ABCB8: variants seen among roughly 807,000 people sequenced by gnomAD.
The protein encoded by ABCB8 is ATP binding cassette subfamily B member 8.
A neutral mutation model predicts 73.0 loss-of-function variants in ABCB8; 52 were observed. The ratio of observed to expected loss-of-function variants is 0.71; its 90% CI spans 0.57 to 0.90. ABCB8 has a LOEUF of 0.90. ABCB8 is among the 40% of genes least tolerant of loss of function. The pLI, the probability that ABCB8 is intolerant of heterozygous loss-of-function variation, is 0.00. For missense variants in ABCB8, 909 were observed against 974.6 expected (o/e 0.93, Z 0.90); for synonymous variants, 428 against 423.5 (o/e 1.01, Z -0.13).
chr7:151,045,520 A>ATCCC lies in ABCB8; in HGVS notation c.*180_*183dup, dbSNP rs1796591662. ...GCCGAGCAGCTGGCAGGGGAGGCCAATCCCTCCCTCCCCTCCCCAGTCCTG... is the reference window on the plus strand; with the variant it reads ...GCCGAGCAGCTGGCAGGGGAGGCCAATCCCTCCCTCCCTCCCCTCCCCAGTCCTG... On this transcript the variant is annotated 3_prime_UTR_variant, in exon 16 of 16. Coordinates refer to ENST00000358849, the MANE Select transcript of ABCB8 (RefSeq NM_007188.5). The ATCCC allele has an allele frequency of 1.2e-6, 1 of 802,736 alleles. No individual in the cohort carries two copies. The highest frequency in any genetic ancestry group is 4.2e-5 in the Admixed American group (1 of 23,784). The allele number at this position is 802,736 out of a possible 1,614,324, so 49.7% of individuals were successfully genotyped here. A position where few individuals can be genotyped will look rare whatever the true frequency, so the allele number is the denominator to read the frequency against.
At chr7:151,031,116 GT>G (rs1796149514) in intron 1 of ABCB8, 2 of 623,094 alleles carry the variant, frequency 3.2e-6, no homozygotes, top group Non-Finnish European at 5.6e-6. Context: ...TAGTAGTTAG[GT>G]CAGATTGTCC....
In ABCB8 at chr7:151,044,140, G is replaced by A. The variant is rs764138046; in HGVS notation, c.1935G>A (p.Thr645=). ...TGGACCGGGCCAGTGCAGGCCGCAC[G>A]GTGCTGGTAATTGCCCACCGGCTCA... ...EALDRASAGR[T]VLVIAHRLST... is the part of the protein sequence containing the mutation. Residue 645 remains threonine (T), a synonymous_variant, in exon 15 of 16, where the codon ACG becomes ACA. Transcript: ENST00000358849. The A allele has an allele frequency of 1.4e-5, 22 of 1,613,854 alleles. No homozygotes were observed. Among genetic ancestry groups the A allele is most frequent in the Admixed American group, 1.3e-4 (8 of 60,000 alleles).
At position 151,046,890 on chromosome 7, in the gene ABCB8, C is replaced by A. The variant is rs1478551565; in HGVS notation, c.*1541C>A. 1 of 152,242 alleles carries A rather than the reference C, an allele frequency of 6.6e-6. No individual in the cohort carries two copies. The highest frequency in any genetic ancestry group is 1.5e-5 in the Non-Finnish European group (1 of 68,050). 9.4% of individuals were successfully genotyped at this position (152,242 alleles called of 1,614,324 possible). A position where few individuals can be genotyped will look rare whatever the true frequency, so the allele number is the denominator to read the frequency against. On this transcript the variant is annotated 3_prime_UTR_variant, in exon 16 of 16. Coordinates refer to ENST00000358849, the MANE Select transcript of ABCB8 (RefSeq NM_007188.5). ...CTTTGGGGACAAGCCATCCAAAAACCCCAGGCCCACATCCACCCTGATTTG... is the reference window on the plus strand; with the variant it reads ...CTTTGGGGACAAGCCATCCAAAAACACCAGGCCCACATCCACCCTGATTTG...
chr7:151,036,585 G>A lies in ABCB8; in HGVS notation c.1153G>A (p.Ala385Thr). 1 of 1,613,982 alleles carries A rather than the reference G, an allele frequency of 6.2e-7. No homozygotes were observed. Among genetic ancestry groups the A allele is most frequent in the Non-Finnish European group, 8.5e-7 (1 of 1,179,908 alleles). Residue 385 changes from alanine to threonine, a missense_variant, in exon 9 of 16, where the codon GCC (alanine) becomes ACC (threonine). Transcript: ENST00000358849. ...GTLFIGGSLV[A>T]GQQLTGGDLM... ...CCTATTTATTGGGGGCTCCCTTGTG[G>A]CCGGACAGCAGCTGACAGGGGGAGA...
Position 151,045,388 on chromosome 7 carries a change from T to C in ABCB8, c.*39T>C. 2.0e-6 allele frequency: 3 copies of C among 1,471,750 alleles called. No individual in the cohort carries two copies. 91.2% of individuals were successfully genotyped at this position (1,471,750 alleles called of 1,614,324 possible). A position where few individuals can be genotyped will look rare whatever the true frequency, so the allele number is the denominator to read the frequency against. On this transcript the variant is annotated 3_prime_UTR_variant, in exon 16 of 16. Transcript: ENST00000358849. ...AGGTGTGGTCGCTGCCAAGCATCAG[T>C]GTTAGGGCTGGGGCTCAGCCTGGGG...
chr7:151,042,108 G>A lies in ABCB8; in HGVS notation c.1765G>A (p.Gly589Ser), dbSNP rs749913656. Residue 589 changes from glycine (G) to serine (S), a missense_variant and splice_region_variant, in exon 14 of 16, where the codon GGT becomes AGT. Transcript: ENST00000358849. ...CCCCGAGGGCTACAACACGGTCGTC[G>A]GTGGGTGCTCGGGTCTGCCGGGAAC... ...SFPEGYNTVV[G>S]ERGTTLSGGQ... 6.8e-6 allele frequency: 11 copies of A among 1,612,692 alleles called. No individual in the cohort carries two copies. Among genetic ancestry groups the A allele is most frequent in the Non-Finnish European group, 9.3e-6 (11 of 1,179,796 alleles).
intron 13 of ABCB8, 111 bp from the exon 14 acceptor site, chr7:151,041,850 C>A: frequency 7.6e-7 from 1 of 1,323,716 alleles, no homozygotes; most frequent in Non-Finnish European, 1.0e-6. Context: ...TTCAAGAGAT[C>A]CTAATCTAAT....
chr7:151,033,977 A>G (rs1485318313), intron 2 of ABCB8, 60 bp downstream of exon 2: 5 of 1,502,662 alleles, frequency 3.3e-6, no homozygotes, highest in Non-Finnish European at 4.4e-6. Context: ...CTGCAAAGGG[A>G]TGGCATTCCT....
intron 1 of ABCB8, chr7:151,028,907 TG>T: frequency 6.9e-7 from 1 of 1,441,192 alleles, no homozygotes; most frequent in South Asian, 1.2e-5. Context: ...TTCCTGGCCC[TG>T]GAGGTGATTG....
chr7:151,030,510 C>CAAATAAATAAATAAAT lies in ABCB8; in HGVS notation c.95+1915_95+1916insTAAATAAATAAATAAA, dbSNP rs59305252. On this transcript the variant is annotated intron_variant, in intron 1 of 15. Transcript: ENST00000358849. ...AGCATGACAGAGCAAGACTCCGTCT[C>CAAATAAATAAATAAAT]AAATAAATAAATAAAAGTAAATGTA... Among the ~76,000 whole-genome samples the CAAATAAATAAATAAAT allele has an allele frequency of 5.8e-3, 879 of 150,258 alleles. 5 individuals are homozygous for CAAATAAATAAATAAAT. Among genetic ancestry groups the CAAATAAATAAATAAAT allele is most frequent in the African/African-American group, 0.019 (775 of 40,718 alleles).
At chr7:151,031,480 A>G (rs1346888612) in intron 1 of ABCB8, 1 of 684,842 alleles carries the variant, frequency 1.5e-6, no homozygotes, top group Non-Finnish European at 2.3e-6. Context: ...CCATGATGGT[A>G]AAGAGAAAAG....
Position 151,041,406 on chromosome 7 carries a change from G to A in ABCB8, c.1617+174G>A, listed in dbSNP as rs775470613. Among the ~76,000 whole-genome samples the A allele has an allele frequency of 4.6e-5, 7 of 152,362 alleles. No individual in the cohort carries two copies. In the East Asian group the frequency reaches 7.7e-4, roughly 17 times the overall value. Reference sequence around the variant, plus strand: ...GTTGTCTGGGTGAGGCATCCCTGTCGTGGGAGCAGCCACAGCTCTGCCTGG... The same window carrying A: ...GTTGTCTGGGTGAGGCATCCCTGTCATGGGAGCAGCCACAGCTCTGCCTGG... On this transcript the variant is annotated intron_variant, in intron 13 of 15. Coordinates refer to ENST00000358849, the MANE Select transcript of ABCB8 (RefSeq NM_007188.5).
At chr7:151,042,712 G>A (rs569934549) in intron 14 of ABCB8, among the ~76,000 whole-genome samples, 4 of 152,156 alleles carry the variant, frequency 2.6e-5, no homozygotes, top group South Asian at 2.1e-4. Flanking sequence ...CATGTTTCTC[G>A]GCCAGTGTCT....
chr7:151,035,502 C>T (rs1796278167), intron 5 of ABCB8, 79 bp from the exon 6 acceptor site: 1 of 1,486,176 alleles, frequency 6.7e-7, no homozygotes, highest in Non-Finnish European at 9.0e-7. Flanking sequence ...TGCAGAGCTA[C>T]AGTCAGCTGA....
intron 13 of ABCB8, 66 bp downstream of exon 13, chr7:151,041,298 G>C: frequency 1.3e-6 from 2 of 1,503,326 alleles, no homozygotes; most frequent in Non-Finnish European, 8.8e-7. Context: ...TGCCCCCTTA[G>C]TCCTCAGGTG....
At chr7:151,030,410 G>A (rs996998516) in intron 1 of ABCB8, among the ~76,000 whole-genome samples, 1 of 152,178 alleles carries the variant, frequency 6.6e-6, no homozygotes, top group Non-Finnish European at 1.5e-5. Context: ...AGCTACTCGG[G>A]AGGCTGAGGC....
At chr7:151,032,468 G>A (rs766615924) in intron 1 of ABCB8, among the ~76,000 whole-genome samples, 1 of 152,198 alleles carries the variant, frequency 6.6e-6, no homozygotes, top group East Asian at 1.9e-4. Context: ...GGCTGAGGCA[G>A]GTGGATCATG....
rs2303928 is a variant in ABCB8, at chr7:151,042,243, G to A, written c.1765+135G>A. 84 of 1,338,152 alleles carry A rather than the reference G, an allele frequency of 6.3e-5. No homozygotes were observed. In the African/African-American group the frequency reaches 1.1e-3, roughly 18 times the overall value. 82.9% of individuals were successfully genotyped at this position (1,338,152 alleles called of 1,614,324 possible). A position where few individuals can be genotyped will look rare whatever the true frequency, so the allele number is the denominator to read the frequency against. ...GAAAGACAGTTGTGTCAGGGAAGACGAGAACCACAGCCAAAGGGGACAGAG... is the reference window on the plus strand; with the variant it reads ...GAAAGACAGTTGTGTCAGGGAAGACAAGAACCACAGCCAAAGGGGACAGAG... On this transcript the variant is annotated intron_variant, in intron 14 of 15. Transcript: ENST00000358849.
intron 5 of ABCB8, 27 bp from the exon 6 acceptor site, chr7:151,035,554 C>T: frequency 6.4e-7 from 1 of 1,567,874 alleles, no homozygotes; most frequent in Non-Finnish European, 8.7e-7. Flanking sequence ...GACGCCGTAG[C>T]CTCCCGCCTT....
Sources: gnomAD v4.1 joint callset for allele counts (sites outside exome capture counted in the v4.1 genomes callset) on GRCh38, gnomAD v4.1.1 for gene constraint, MANE v1.5 for transcripts, NCBI Gene and HGNC (gene_info 2026-07-23, HGNC 2026-07-21) for gene names.